Variants in RCOR1 observed in about 807,000 individuals in gnomAD.
The protein encoded by RCOR1 is REST corepressor 1, also known as REST corepressor.
A neutral mutation model predicts 64.0 loss-of-function variants in RCOR1; 12 were observed. The observed-to-expected ratio is 0.19, with a 90% CI of 0.12 to 0.30. RCOR1 has a LOEUF of 0.30. Ranked by LOEUF, RCOR1 falls within the 10% of genes least tolerant of loss-of-function variation. The pLI is 1.00. For missense variants in RCOR1, 502 were observed against 621.2 expected (o/e 0.81, Z 2.04); for synonymous variants, 279 against 227.2 (o/e 1.23, Z -2.05).
chr14:102,719,163 A>C (rs1258175851), intron 8 of RCOR1, among the ~76,000 whole-genome samples: 1 of 151,722 alleles, frequency 6.6e-6, no homozygotes, highest in African/African-American at 2.4e-5. Context: ...GCTCACTGCA[A>C]CCCCTGCCTC....
At chr14:102,674,910 A>AT (rs2139952228) in intron 2 of RCOR1, among the ~76,000 whole-genome samples, 1 of 152,070 alleles carries the variant, frequency 6.6e-6, no homozygotes, top group African/African-American at 2.4e-5. Context: ...AATACAAAAA[A>AT]TTAGCAGGGC....
intron 2 of RCOR1, among the ~76,000 whole-genome samples, chr14:102,637,531 G>C (rs1225780203): frequency 6.6e-6 from 1 of 152,068 alleles, no homozygotes; most frequent in Non-Finnish European, 1.5e-5. Flanking sequence ...GCCCACCGCA[G>C]CCTTGGCCTC....
chr14:102,711,588 A>T (rs1219124272), intron 7 of RCOR1, among the ~76,000 whole-genome samples: 2 of 152,152 alleles, frequency 1.3e-5, no homozygotes, highest in Non-Finnish European at 2.9e-5. Context: ...GTGAACCTCT[A>T]CAATTGCATG....
At chr14:102,643,427 C>T in intron 2 of RCOR1, 1 of 508,076 alleles carries the variant, frequency 2.0e-6, no homozygotes, top group Non-Finnish European at 2.5e-6. Context: ...AGAGATGTCA[C>T]TAATGTTTTA....
chr14:102,721,581 A>G (rs1896171496), intron 10 of RCOR1: 1 of 389,824 alleles, frequency 2.6e-6, no homozygotes, highest in Non-Finnish European at 4.5e-6. Flanking sequence ...TTTAATGGAA[A>G]AAAAAGAGCT....
intron 2 of RCOR1, among the ~76,000 whole-genome samples, chr14:102,619,647 G>A (rs1158602142): frequency 6.6e-6 from 1 of 151,732 alleles, no homozygotes; most frequent in Non-Finnish European, 1.5e-5. Context: ...TGCCTGGCAA[G>A]TTTTTATATT....
At chr14:102,713,546 T>G (rs909078470) in intron 7 of RCOR1, among the ~76,000 whole-genome samples, 2 of 152,118 alleles carry the variant, frequency 1.3e-5, no homozygotes, top group Non-Finnish European at 2.9e-5. Flanking sequence ...CCTCCCAAAG[T>G]GCTGGGATTA....
intron 2 of RCOR1, among the ~76,000 whole-genome samples, chr14:102,635,885 A>G (rs572090244): frequency 5.3e-5 from 8 of 152,278 alleles, no homozygotes; most frequent in African/African-American, 9.6e-5. Flanking sequence ...GCAGTGGGCT[A>G]TGATTGAGCC....
At chr14:102,683,522 CG>C (rs1248289836) in intron 3 of RCOR1, among the ~76,000 whole-genome samples, 5 of 152,258 alleles carry the variant, frequency 3.3e-5, no homozygotes, top group Admixed American at 3.3e-4. Flanking sequence ...CAGGTCCCCC[CG>C]ATCCCAGACC....
intron 3 of RCOR1, among the ~76,000 whole-genome samples, chr14:102,693,841 C>T (rs902417347): frequency 6.6e-6 from 1 of 152,070 alleles, no homozygotes; most frequent in Non-Finnish European, 1.5e-5. Flanking sequence ...TTATCCATCA[C>T]CTTAAGCATT....
At chr14:102,672,082 A>G (rs184112490) in intron 2 of RCOR1, among the ~76,000 whole-genome samples, 4 of 152,280 alleles carry the variant, frequency 2.6e-5, no homozygotes, top group Admixed American at 2.0e-4. Context: ...GTTGATGGGC[A>G]TTTGGGTTGT....
At chr14:102,635,851 G>A (rs1460118685) in intron 2 of RCOR1, among the ~76,000 whole-genome samples, 1 of 152,136 alleles carries the variant, frequency 6.6e-6, no homozygotes, top group Non-Finnish European at 1.5e-5. Context: ...GCTAAGGTGG[G>A]AAGATCACTT....
At position 102,723,455 on chromosome 14, in the gene RCOR1, T is replaced by C. The variant is rs187656255; in HGVS notation, c.1419+1039T>C. ...GGCACAGCCATCTGTAAGAACACCA[T>C]TGAAACATATTAAATTTGTTAGAAT... is the stretch of plus-strand genomic sequence containing the variant. On this transcript the variant is annotated intron_variant, in intron 11 of 11. Transcript: ENST00000262241. 3.2e-4 allele frequency among the ~76,000 whole-genome samples: 48 copies of C among 152,336 alleles called. 1 individual carries two copies. In the East Asian group the frequency reaches 6.9e-3, roughly 22 times the overall value.
intron 3 of RCOR1, among the ~76,000 whole-genome samples, chr14:102,686,303 T>C (rs1387364148): frequency 6.6e-6 from 1 of 152,182 alleles, no homozygotes; most frequent in Admixed American, 6.5e-5. Context: ...CATTTTAGCT[T>C]CACAGCTAAA....
chr14:102,655,932 AAC>A (rs1894712783), intron 2 of RCOR1: 2 of 943,378 alleles, frequency 2.1e-6, no homozygotes, highest in Admixed American at 1.4e-4. Context: ...CAGCCTGGGC[AAC>A]AGAGTGAGAC....
At chr14:102,603,917 A>G (rs890367826) in intron 2 of RCOR1, among the ~76,000 whole-genome samples, 3 of 152,172 alleles carry the variant, frequency 2.0e-5, no homozygotes, top group African/African-American at 2.4e-5. Flanking sequence ...TTTTATTTAT[A>G]TATTTGGATA....
Position 102,646,163 on chromosome 14 carries a change from T to G in RCOR1, c.362-35732T>G, listed in dbSNP as rs181594701. ...GATAATGTGATCAGCTCTAGAAAAATGTAATCCACCATAGCTCTTAGTGAA... is the reference window on the plus strand; with the variant it reads ...GATAATGTGATCAGCTCTAGAAAAAGGTAATCCACCATAGCTCTTAGTGAA... On this transcript the variant is annotated intron_variant, in intron 2 of 11. Coordinates refer to ENST00000262241, the MANE Select transcript of RCOR1 (RefSeq NM_015156.4). Among the ~76,000 whole-genome samples the G allele has an allele frequency of 5.9e-5, 9 of 152,218 alleles. 1 individual carries two copies. The highest frequency in any genetic ancestry group is 2.2e-4 in the African/African-American group (9 of 41,524).
chr14:102,707,224 C>T lies in RCOR1; in HGVS notation c.499-127C>T. 3 of 673,488 alleles carry T rather than the reference C, an allele frequency of 4.5e-6. No homozygotes were observed. In the South Asian group the frequency reaches 7.0e-5, roughly 16 times the overall value. 41.7% of individuals were successfully genotyped at this position (673,488 alleles called of 1,614,324 possible). The stretch of plus-strand genomic sequence containing the variant: ...AAAAGGGGCCTCTGACAGTGTCTGC[C>T]ACTTAGCGCTGTAGATGAGTTAGTT... On this transcript the variant is annotated intron_variant, in intron 4 of 11. Coordinates refer to ENST00000262241, the MANE Select transcript of RCOR1 (RefSeq NM_015156.4).
intron 6 of RCOR1, among the ~76,000 whole-genome samples, chr14:102,709,482 G>A (rs752603148): frequency 2.0e-5 from 3 of 152,024 alleles, no homozygotes; most frequent in South Asian, 2.1e-4. Context: ...TATGGTCCCC[G>A]GTGTCCCATC....
Sources: allele counts gnomAD v4.1 joint callset (sites outside exome capture counted in the v4.1 genomes callset), GRCh38; gene constraint gnomAD v4.1.1; transcripts MANE v1.5; gene names NCBI Gene and HGNC (gene_info 2026-07-23, HGNC 2026-07-21).